The following NT5DC2 variants were observed in gnomAD, a reference collection of about 807,000 sequenced individuals.
NT5DC2 encodes 5'-nucleotidase domain-containing protein 2.
Under a neutral mutation model 70.0 loss-of-function variants are expected in NT5DC2, and 41 were observed. The observed-to-expected ratio is 0.59, with a 90% CI of 0.46 to 0.76. NT5DC2 has a LOEUF of 0.76. Among genes scored for constraint, NT5DC2 ranks in the 30% least tolerant of loss-of-function variants. NT5DC2 has a pLI of 0.00. For synonymous variants in NT5DC2, 299 were observed against 310.4 expected, an observed-to-expected ratio of 0.96 and a Z score of 0.39; for missense variants, 705 against 783.2, an observed-to-expected ratio of 0.90 and a Z score of 1.19.
intron 10 of NT5DC2, chr3:52,525,556 G>A (rs1196989112): frequency 6.0e-6 from 3 of 499,326 alleles, no homozygotes; most frequent in South Asian, 4.5e-5. Context: ...GGTCTCACAC[G>A]TACCCCAGGT....
At position 52,528,265 on chromosome 3, in the gene NT5DC2, A is replaced by G; in HGVS notation, c.689T>C (p.Met230Thr). The G allele has an allele frequency of 1.2e-6, 2 of 1,613,442 alleles. No individual in the cohort carries two copies. Among genetic ancestry groups the G allele is most frequent in the African/African-American group, 2.7e-5 (2 of 75,052 alleles). Residue 230 changes from methionine (M) to threonine (T), a missense_variant, in exon 6 of 14, where the codon ATG (methionine) becomes ACG (threonine). Transcript: ENST00000422318. ...QFMDIFSLPE[M>T]ALLSCVVDYF... The stretch of plus-strand genomic sequence containing the variant: ...GTCCACCACACAGGACAGCAGAGCC[A>G]TCTCCGGTAGCGAGAAGATGTCCAT...
At chr3:52,527,214 G>A in intron 10 of NT5DC2, 80 bp downstream of exon 10, 1 of 1,324,564 alleles carries the variant, frequency 7.5e-7, no homozygotes, top group Non-Finnish European at 1.1e-6. Flanking sequence ...TGCTTCTTCA[G>A]AGGCTGCCTC....
chr3:52,525,333 C>T (rs760778165), intron 10 of NT5DC2, 38 bp from the exon 11 acceptor site: 2 of 1,520,452 alleles, frequency 1.3e-6, no homozygotes, highest in African/African-American at 1.4e-5. Context: ...GCCAAGTGTG[C>T]CTTGTCCTCC....
upstream of NT5DC2, chr3:52,534,357 A>G (rs1161279324): frequency 9.8e-7 from 1 of 1,018,326 alleles, no homozygotes; most frequent in Admixed American, 2.0e-5. Context: ...TCACTGGTCT[A>G]ACAAATAAAG....
In NT5DC2 at chr3:52,529,827, GCTGCC is replaced by G; in HGVS notation, c.233-498_233-494del. 5.5e-6 allele frequency: 1 copy of G among 182,462 alleles called. No individual in the cohort carries two copies. Among genetic ancestry groups the G allele is most frequent in the Non-Finnish European group, 1.2e-5 (1 of 84,722 alleles). 11.3% of individuals were successfully genotyped at this position (182,462 alleles called of 1,614,324 possible). A position where few individuals can be genotyped will look rare whatever the true frequency, so the allele number is the denominator to read the frequency against. On this transcript the variant is annotated intron_variant, in intron 1 of 13. Coordinates refer to ENST00000422318, the MANE Select transcript of NT5DC2 (RefSeq NM_001134231.2). This position sits in a 1 kb window ranked among gnomAD's most constrained non-coding sequence, Gnocchi z 4.1. ...TTCAGCGCCTCCTCTGCTCCTCTCA[GCTGCC>G]CTGCCCTGCCCCCTGGCCTCATCTC... is the stretch of plus-strand genomic sequence containing the variant.
chr3:52,527,442 C>T lies in NT5DC2; in HGVS notation c.1038-67G>A. ...GGCCACGGGCCGGGCAACCCCCATC[C>T]CTCCTCCGTAAAGGCCCACCTGCTC... On this transcript the variant is annotated intron_variant, in intron 9 of 13. Coordinates refer to ENST00000422318, the MANE Select transcript of NT5DC2 (RefSeq NM_001134231.2). 5.1e-6 allele frequency: 8 copies of T among 1,558,612 alleles called. No homozygotes were observed. The South Asian group carries it at 7.9e-5, about 15-fold the overall frequency.
chr3:52,527,684 A>T lies in NT5DC2; in HGVS notation c.970T>A (p.Trp324Arg). Residue 324 changes from tryptophan to arginine, a missense_variant, in exon 9 of 14, where the codon TGG becomes AGG. Physicochemically the swap from Trp to Arg is moderately radical, Grantham distance 101 (BLOSUM62 -3). Coordinates refer to ENST00000422318, the MANE Select transcript of NT5DC2 (RefSeq NM_001134231.2). ...ATGACCACATCGAAGAGCTGGCGCC[A>T]ATCGGGACCCACCATGTGCCGCATC... Reference protein sequence around the residue: ...KGMRHMVGPDWRQLFDVVIVQ... With the variant: ...KGMRHMVGPDRRQLFDVVIVQ... 1 of 1,613,226 alleles carries T rather than the reference A, an allele frequency of 6.2e-7. No individual in the cohort carries two copies. Among genetic ancestry groups the T allele is most frequent in the Non-Finnish European group, 8.5e-7 (1 of 1,180,014 alleles).
At chr3:52,528,595 G>T in intron 4 of NT5DC2, 42 bp downstream of exon 4, 2 of 1,554,426 alleles carry the variant, frequency 1.3e-6, no homozygotes, top group Non-Finnish European at 1.8e-6. Flanking sequence ...GAACAGCAGT[G>T]TAGGGTGGGG....
In NT5DC2 at chr3:52,524,500, G is replaced by A; in HGVS notation, c.1644C>T (p.Pro548=). 6.2e-7 allele frequency: 1 copy of A among 1,612,936 alleles called. No homozygotes were observed. The highest frequency in any genetic ancestry group is 8.5e-7 in the Non-Finnish European group (1 of 1,180,022). ...GGATGTGGGCCATGTCACCAAGGAA[G>A]GGGGTCTTCATGCAGCCGGTGCAGA... is the stretch of plus-strand genomic sequence containing the variant. ...DQLCTGCMKT[P]FLGDMAHIR is the part of the protein sequence containing the mutation. Residue 548 remains proline (P), a synonymous_variant, in exon 14 of 14, where the codon CCC becomes CCT. Coordinates refer to ENST00000422318, the MANE Select transcript of NT5DC2 (RefSeq NM_001134231.2).
At position 52,524,466 on chromosome 3, in the gene NT5DC2, G is replaced by A; in HGVS notation, c.*4C>T. 6.2e-7 allele frequency: 1 copy of A among 1,612,690 alleles called. No individual in the cohort carries two copies. Among genetic ancestry groups the A allele is most frequent in the South Asian group, 1.1e-5 (1 of 91,086 alleles). On this transcript the variant is annotated 3_prime_UTR_variant, in exon 14 of 14. Transcript: ENST00000422318. ...AGGGCCTGTCCCAGACAATAAAGGT[G>A]CCCTCAGCGGATGTGGGCCATGTCA...
At chr3:52,526,004 C>G (rs1189771236) in intron 10 of NT5DC2, 2 of 152,314 alleles carry the variant, frequency 1.3e-5, no homozygotes, top group Non-Finnish European at 2.9e-5. Context: ...CAGGCAGGCC[C>G]CAGACCAAGA....
chr3:52,532,273 C>T (rs1397248832), intron 1 of NT5DC2: 4 of 985,258 alleles, frequency 4.1e-6, no homozygotes, highest in Admixed American at 1.2e-4. Context: ...CCAGTAGATC[C>T]CCGTAGTCCT....
chr3:52,525,132 C>A, intron 11 of NT5DC2, 29 bp from the exon 12 acceptor site: 1 of 778,210 alleles, frequency 1.3e-6, no homozygotes, highest in Middle Eastern at 3.0e-4. Flanking sequence ...GAACTGGGCT[C>A]AGCGCCAGTT....
rs191751015 is a variant in NT5DC2 at position 52,531,835 on chromosome 3, G to C, written c.232+1671C>G. 1.3e-5 allele frequency among the ~76,000 whole-genome samples: 2 copies of C among 152,186 alleles called. No individual in the cohort carries two copies. Among genetic ancestry groups the C allele is most frequent in the Non-Finnish European group, 2.9e-5 (2 of 68,014 alleles). Reference sequence around the variant, plus strand: ...ACACTTGTGGATGCCTTAGAGGCTTGTCTTGTTCAATCCTCACTCCCATCC... The same window carrying C: ...ACACTTGTGGATGCCTTAGAGGCTTCTCTTGTTCAATCCTCACTCCCATCC... On this transcript the variant is annotated intron_variant, in intron 1 of 13. Coordinates refer to ENST00000422318, the MANE Select transcript of NT5DC2 (RefSeq NM_001134231.2). The surrounding 1 kb of genome is among the most constrained non-coding windows in gnomAD (Gnocchi z 4.1).
upstream of NT5DC2, chr3:52,533,906 CGGGG>C: frequency 1.1e-6 from 1 of 908,488 alleles, no homozygotes; most frequent in Non-Finnish European, 1.3e-6. Context: ...CCCCTCGGCC[CGGGG>C]GGCGGGAGGC....
At chr3:52,533,919 G>A (rs1346372435), upstream of NT5DC2, 2 of 816,050 alleles carry the variant, frequency 2.5e-6, no homozygotes, top group African/African-American at 1.9e-5. Context: ...GGGGCGGGAG[G>A]CCCCGGACCC....
intron 1 of NT5DC2, among the ~76,000 whole-genome samples, chr3:52,530,181 T>TG (rs1230596190): frequency 6.6e-6 from 1 of 152,224 alleles, no homozygotes; most frequent in Non-Finnish European, 1.5e-5. Flanking sequence ...CAGGACGTGA[T>TG]GTCAGGTTCT....
At position 52,525,072 on chromosome 3, in the gene NT5DC2, CCTGTGCGCCA is replaced by C; in HGVS notation, c.1228_1237del (p.Trp410AlafsTer23). 6.9e-7 allele frequency: 1 copy of C among 1,444,438 alleles called. No homozygotes were observed. The highest frequency in any genetic ancestry group is 9.3e-7 in the Non-Finnish European group (1 of 1,075,250). The allele number at this position is 1,444,438 out of a possible 1,614,324, so 89.5% of individuals were successfully genotyped here. A position where few individuals can be genotyped will look rare whatever the true frequency, so the allele number is the denominator to read the frequency against. ...ACGCTCCAGCTCGGGGATGATGGCGCCTGTGCGCCAGCCGTGCCGCAGCATGAGATCCTGG... is the reference window on the plus strand; with the variant it reads ...ACGCTCCAGCTCGGGGATGATGGCGCGCCGTGCCGCAGCATGAGATCCTGG... On this transcript the variant is annotated frameshift_variant, in exon 12 of 14. Coordinates refer to ENST00000422318, the MANE Select transcript of NT5DC2 (RefSeq NM_001134231.2). LOFTEE classifies it high-confidence loss of function.
chr3:52,527,592 C>T (rs2079296312), intron 9 of NT5DC2, 25 bp downstream of exon 9: 2 of 1,610,298 alleles, frequency 1.2e-6, no homozygotes, highest in African/African-American at 1.3e-5. Flanking sequence ...CTTCCCTGGC[C>T]CTGCAACCCC....
Sources: gnomAD v4.1 joint callset for allele counts (sites outside exome capture counted in the v4.1 genomes callset) on GRCh38, gnomAD v4.1.1 for gene constraint, Gnocchi (gnomAD v3.1) non-coding constraint, MANE v1.5 for transcripts, NCBI Gene and HGNC (gene_info 2026-07-23, HGNC 2026-07-21) for gene names.